The following ZNF217 variants were observed in gnomAD, a reference collection of about 807,000 sequenced individuals.
ZNF217 encodes zinc finger protein 217.
A neutral mutation model predicts 73.3 loss-of-function variants in ZNF217; 12 were observed. The ratio of observed to expected loss-of-function variants is 0.16; its 90% CI spans 0.10 to 0.27. ZNF217 has a LOEUF of 0.27. ZNF217 is among the 10% of genes least tolerant of loss of function. ZNF217 has a pLI of 1.00. For missense variants in ZNF217, 1,195 were observed against 1,327.8 expected, an observed-to-expected ratio of 0.90 and a Z score of 1.55; for synonymous variants, 588 against 516.4, an observed-to-expected ratio of 1.14 and a Z score of -1.88.
chr20:53,570,763 T>C (rs1009674085), intron 5 of ZNF217, among the ~76,000 whole-genome samples: 2 of 146,900 alleles, frequency 1.4e-5, no homozygotes, highest in Non-Finnish European at 3.1e-5. Context: ...TCTTGGCAGA[T>C]AAGTACTTGC....
At position 53,577,119 on chromosome 20, in the gene ZNF217, C is replaced by G. The variant is rs753683781; in HGVS notation, c.1645G>C (p.Ala549Pro). ...AAATTTTTGGTTTGCGCACTGTCAG[C>G]GGTTAATAGTGCATCTTCAGTGTCC... is the stretch of plus-strand genomic sequence containing the variant. ...NQDTEDALLT[A>P]DSAQTKNLKR... The change falls in exon 4 of 6, where the codon GCT becomes CCT. Residue 549 changes from alanine to proline, a missense_variant. By Grantham distance (27) the Ala-to-Pro change is conservative. Around this residue, in one of 9 missense-constraint regions of ZNF217, gnomAD observed 649 missense variants for 642.8 expected, o/e 1.01. Transcript: ENST00000371471. 6.2e-7 allele frequency: 1 copy of G among 1,614,142 alleles called. No homozygotes were observed. Among genetic ancestry groups the G allele is most frequent in the Non-Finnish European group, 8.5e-7 (1 of 1,180,024 alleles).
chr20:53,571,662 C>T, intron 5 of ZNF217, 59 bp downstream of exon 5: 1 of 1,548,292 alleles, frequency 6.5e-7, no homozygotes, highest in Non-Finnish European at 8.7e-7. Flanking sequence ...CCGCCCTGAC[C>T]TCCCAAATGG....
chr20:53,570,052 A>C (rs755075759), intron 5 of ZNF217, among the ~76,000 whole-genome samples: 1 of 152,192 alleles, frequency 6.6e-6, no homozygotes, highest in African/African-American at 2.4e-5. Context: ...ACAAGCAGAG[A>C]AGCTCAGAGC....
chr20:53,579,936 T>C (rs1380020706), intron 2 of ZNF217, among the ~76,000 whole-genome samples: 1 of 152,236 alleles, frequency 6.6e-6, no homozygotes, highest in Non-Finnish European at 1.5e-5. Context: ...TCCTGCCTGA[T>C]GATCTAGCCC....
chr20:53,591,432 C>T (rs1988876309), intron 1 of ZNF217, among the ~76,000 whole-genome samples: 2 of 152,204 alleles, frequency 1.3e-5, no homozygotes, highest in Admixed American at 6.5e-5. Flanking sequence ...TCCAAACAAA[C>T]AGATTATTAA....
At position 53,567,992 on chromosome 20, in the gene ZNF217, A is replaced by G. The variant is rs1393591864; in HGVS notation, c.*1296T>C. ...TAAACTCAGCCATGGACAGCATATT[A>G]AAGAACAAAAGTTTAAAATATCTAG... On this transcript the variant is annotated 3_prime_UTR_variant, in exon 6 of 6. Transcript: ENST00000371471. 6 of 152,650 alleles carry G rather than the reference A, an allele frequency of 3.9e-5. No homozygotes were observed. In the East Asian group the frequency reaches 1.2e-3, roughly 29 times the overall value. The allele number at this position is 152,650 out of a possible 1,614,324, so 9.5% of individuals were successfully genotyped here. A position where few individuals can be genotyped will look rare whatever the true frequency, so the allele number is the denominator to read the frequency against.
intron 2 of ZNF217, among the ~76,000 whole-genome samples, chr20:53,579,142 G>A (rs1359933233): frequency 6.6e-6 from 1 of 152,160 alleles, no homozygotes; most frequent in East Asian, 1.9e-4. Flanking sequence ...GTTTCTGCAG[G>A]ACAATAGGAC....
chr20:53,583,888 A>G (rs1351852998), intron 1 of ZNF217, among the ~76,000 whole-genome samples: 1 of 152,254 alleles, frequency 6.6e-6, no homozygotes, highest in Non-Finnish European at 1.5e-5. Flanking sequence ...GCCTTCAACA[A>G]GCACTGGGTG....
In ZNF217 at chr20:53,589,859, AT is replaced by A. The variant is rs201639904; in HGVS notation, c.-343+3896del. 2.9e-3 allele frequency among the ~76,000 whole-genome samples: 437 copies of A among 148,374 alleles called. 1 individual carries two copies. Among genetic ancestry groups the A allele is most frequent in the African/African-American group, 8.3e-3 (333 of 40,342 alleles). On this transcript the variant is annotated intron_variant, in intron 1 of 5. Coordinates refer to ENST00000371471, the MANE Select transcript of ZNF217 (RefSeq NM_006526.3). ...ATTTCCTGCCGTCTTTGTGTAATAC[AT>A]TTTTTTTTTCTTCCATGTGCGTTTA...
rs1007668519 is a variant in ZNF217 at position 53,584,138 on chromosome 20, A to G, written c.-342-970T>C. 6.0e-4 allele frequency among the ~76,000 whole-genome samples: 91 copies of G among 152,218 alleles called. 1 individual carries two copies. Among genetic ancestry groups the G allele is most frequent in the African/African-American group, 2.0e-3 (83 of 41,454 alleles). ...AGCTAATTTTCACTCCTGGAGAAGA[A>G]TTAACTTCTAAAGCCAATACCCTCT... On this transcript the variant is annotated intron_variant, in intron 1 of 5. Coordinates refer to ENST00000371471, the MANE Select transcript of ZNF217 (RefSeq NM_006526.3).
At chr20:53,583,659 A>T (rs1988592327) in intron 1 of ZNF217, among the ~76,000 whole-genome samples, 1 of 152,230 alleles carries the variant, frequency 6.6e-6, no homozygotes, top group African/African-American at 2.4e-5. Context: ...CAAGAAATCT[A>T]AGTGCCCAAA....
chr20:53,586,743 T>C (rs1372332686), intron 1 of ZNF217, among the ~76,000 whole-genome samples: 1 of 152,192 alleles, frequency 6.6e-6, no homozygotes, highest in Non-Finnish European at 1.5e-5. Context: ...GAAATTCTAA[T>C]CTACTAACAG....
intron 1 of ZNF217, among the ~76,000 whole-genome samples, chr20:53,590,866 T>C (rs1265931144): frequency 1.3e-5 from 2 of 152,226 alleles, no homozygotes. Context: ...ACTTGATGAT[T>C]AAGTCTTATT....
chr20:53,594,047 A>C (rs1988985929), upstream of ZNF217, among the ~76,000 whole-genome samples: 4 of 135,228 alleles, frequency 3.0e-5, no homozygotes, highest in East Asian at 2.4e-4. Context: ...CCCCCCCCCA[A>C]CAAAAAAGGA....
chr20:53,596,030 A>G (rs1989035424), upstream of ZNF217, among the ~76,000 whole-genome samples: 2 of 152,216 alleles, frequency 1.3e-5, no homozygotes, highest in Non-Finnish European at 2.9e-5. Context: ...GAAAAGTCCA[A>G]ACTTTTCAGG....
rs138518570 is a variant in ZNF217 at position 53,576,152 on chromosome 20, G to A, written c.2612C>T (p.Pro871Leu). ...LKPLPVAPSQPTLGSSNINGS... is the reference protein window; with the variant it reads ...LKPLPVAPSQLTLGSSNINGS... Reference sequence around the variant, plus strand: ...ATTGATGTTACTGCTGCCGAGGGTGGGCTGAGAAGGAGCTACTGGAAGAGG... The same window carrying A: ...ATTGATGTTACTGCTGCCGAGGGTGAGCTGAGAAGGAGCTACTGGAAGAGG... The change falls in exon 4 of 6, where the codon CCC (proline) becomes CTC (leucine). Residue 871 changes from proline (P) to leucine (L), a missense_variant. Coordinates refer to ENST00000371471, the MANE Select transcript of ZNF217 (RefSeq NM_006526.3). 158 of 1,614,108 alleles carry A rather than the reference G, an allele frequency of 9.8e-5. No homozygotes were observed. Among genetic ancestry groups the A allele is most frequent in the Admixed American group, 2.5e-4 (15 of 59,996 alleles).
Position 53,576,938 on chromosome 20 carries a change from T to A in ZNF217, c.1826A>T (p.Asp609Val). ...GTTTTTATTCACTTTATCAGCACTG[T>A]CATCAGCTGCATTTTTATGGAAATC... Reference protein sequence around the residue: ...TQDFHKNAADDSADKVNKNPT... With the variant: ...TQDFHKNAADVSADKVNKNPT... The change falls in exon 4 of 6, where the codon GAC (aspartate) becomes GTC (valine). Residue 609 changes from aspartate (D) to valine (V), a missense_variant. Asp to Val is a radical substitution (Grantham distance 152). Transcript: ENST00000371471. 1 of 1,614,202 alleles carries A rather than the reference T, an allele frequency of 6.2e-7. No homozygotes were observed. The highest frequency in any genetic ancestry group is 8.5e-7 in the Non-Finnish European group (1 of 1,180,044).
chr20:53,591,787 C>T (rs1179493957), intron 1 of ZNF217, among the ~76,000 whole-genome samples: 1 of 152,184 alleles, frequency 6.6e-6, no homozygotes, highest in African/African-American at 2.4e-5. Flanking sequence ...GCAGACACAT[C>T]AAGGCTTTTA....
chr20:53,571,026 C>T (rs1050237443), intron 5 of ZNF217, among the ~76,000 whole-genome samples: 2 of 152,130 alleles, frequency 1.3e-5, no homozygotes, highest in East Asian at 3.8e-4. Flanking sequence ...CACAACTGCC[C>T]GACATTGCTG....
Sources: gnomAD v4.1 joint callset for allele counts (sites outside exome capture counted in the v4.1 genomes callset) on GRCh38, gnomAD v4.1.1 for gene constraint, gnomAD v4.1.1 regional missense constraint, MANE v1.5 for transcripts, NCBI Gene and HGNC (gene_info 2026-07-23, HGNC 2026-07-21) for gene names.